Variants in IGFL2 observed in about 807,000 individuals in gnomAD.
The protein encoded by IGFL2 is insulin growth factor-like family member 2.
A neutral mutation model predicts 13.9 loss-of-function variants in IGFL2; 7 were observed. The ratio of observed to expected loss-of-function variants is 0.51; its 90% CI spans 0.29 to 0.95. The LOEUF (loss-of-function observed/expected upper bound fraction) is 0.95, where lower values mean the gene tolerates loss of function less well. Ranked by LOEUF, IGFL2 falls within the 40% of genes least tolerant of loss-of-function variation. IGFL2 has a pLI of 0.08. For synonymous variants in IGFL2, 55 were observed against 55.8 expected (o/e 0.99, Z 0.07); for missense variants, 138 against 147.8 (o/e 0.93, Z 0.34).
At chr19:46,135,602 G>A in the IGFL2 span, among the ~76,000 whole-genome samples, 58 of 152,212 alleles carry the variant, frequency 3.8e-4, no homozygotes, top group Non-Finnish European at 1.5e-4. Context: ...AGGGAGGTAG[G>A]ACCTCACTGA....
chr19:46,099,837 T>C, the IGFL2 span, among the ~76,000 whole-genome samples: 1 of 152,140 alleles, frequency 6.6e-6, no homozygotes, highest in South Asian at 2.1e-4. Context: ...TGTTCATTCC[T>C]TTTCATTCTT....
At chr19:46,101,176 G>A in the IGFL2 span, 2 of 152,366 alleles carry the variant, frequency 1.3e-5, no homozygotes, top group Admixed American at 1.3e-4. Context: ...GTGACCCCTG[G>A]TTGGTGGGGG....
the IGFL2 span, among the ~76,000 whole-genome samples, chr19:46,174,913 G>A: frequency 1.3e-5 from 2 of 152,136 alleles, no homozygotes; most frequent in Non-Finnish European, 2.9e-5. Flanking sequence ...CAAAAGGATT[G>A]ATCCAAATTA....
the IGFL2 span, among the ~76,000 whole-genome samples, chr19:46,114,439 T>C: frequency 1.4e-3 from 220 of 152,338 alleles, 1 homozygote; most frequent in African/African-American, 4.8e-3. Flanking sequence ...CTTTCTTATT[T>C]GGTTAGTCTT....
the IGFL2 span, chr19:46,124,687 G>T: frequency 4.4e-6 from 7 of 1,589,214 alleles, no homozygotes; most frequent in South Asian, 7.8e-5. Context: ...AAGAAGAGTG[G>T]TAAAAGGCTG....
chr19:46,146,218 C>T (rs979716194), upstream of IGFL2, among the ~76,000 whole-genome samples: 22 of 152,082 alleles, frequency 1.4e-4, no homozygotes, highest in African/African-American at 5.3e-4. Flanking sequence ...ATCTTTTCCC[C>T]CATTGAATTG....
chr19:46,104,931 G>A, the IGFL2 span, among the ~76,000 whole-genome samples: 1 of 152,212 alleles, frequency 6.6e-6, no homozygotes, highest in Admixed American at 6.5e-5. Context: ...AGAGGAGATT[G>A]ATAGGTGGAA....
the IGFL2 span, chr19:46,204,667 A>T: frequency 6.6e-6 from 1 of 152,224 alleles, no homozygotes; most frequent in African/African-American, 2.4e-5. Flanking sequence ...GAATTTTGAT[A>T]TGGGGTTTTA....
chr19:46,130,026 C>T, the IGFL2 span, among the ~76,000 whole-genome samples: 1 of 152,098 alleles, frequency 6.6e-6, no homozygotes, highest in Non-Finnish European at 1.5e-5. Flanking sequence ...AGAGCTTGCT[C>T]TCTGAATCTG....
chr19:46,102,949 T>C, the IGFL2 span, among the ~76,000 whole-genome samples: 3 of 152,118 alleles, frequency 2.0e-5, no homozygotes, highest in African/African-American at 7.2e-5. Context: ...GGGGTGATAT[T>C]GTGGGTTTAT....
the IGFL2 span, among the ~76,000 whole-genome samples, chr19:46,090,634 G>A: frequency 6.6e-6 from 1 of 152,306 alleles, no homozygotes; most frequent in South Asian, 2.1e-4. Context: ...CACGTTGCCC[G>A]GCTGGAATCT....
At chr19:46,083,490 T>C in the IGFL2 span, among the ~76,000 whole-genome samples, 1 of 152,212 alleles carries the variant, frequency 6.6e-6, no homozygotes, top group African/African-American at 2.4e-5. Flanking sequence ...ATTCAGACAC[T>C]ATGTTGTAAA....
the IGFL2 span, among the ~76,000 whole-genome samples, chr19:46,112,576 T>A: frequency 6.6e-6 from 1 of 152,186 alleles, no homozygotes; most frequent in Non-Finnish European, 1.5e-5. Context: ...AAAGCATAGA[T>A]GAACACAAGC....
upstream of IGFL2, chr19:46,148,232 C>T: frequency 6.5e-7 from 1 of 1,540,246 alleles, no homozygotes; most frequent in Non-Finnish European, 8.8e-7. Flanking sequence ...TATAAAGTCA[C>T]TGACCCATTT....
the IGFL2 span, among the ~76,000 whole-genome samples, chr19:46,091,198 T>C: frequency 2.4e-4 from 36 of 152,234 alleles, no homozygotes. Flanking sequence ...CATCTTGCTC[T>C]GCCCTTCTTC....
chr19:46,173,417 G>A, the IGFL2 span: 1 of 152,196 alleles, frequency 6.6e-6, no homozygotes, highest in African/African-American at 2.4e-5. Context: ...GAATACCTGA[G>A]GCTTGGCAAT....
the IGFL2 span, among the ~76,000 whole-genome samples, chr19:46,087,795 G>C: frequency 1.3e-5 from 2 of 152,220 alleles, no homozygotes; most frequent in African/African-American, 4.8e-5. Flanking sequence ...TTTGGTCCTG[G>C]CAGTGGGTGG....
chr19:46,200,362 T>C, the IGFL2 span, among the ~76,000 whole-genome samples: 79 of 151,696 alleles, frequency 5.2e-4, no homozygotes, highest in East Asian at 1.9e-4. Flanking sequence ...TTTGTAGATA[T>C]GGGGTTTTGT....
the IGFL2 span, among the ~76,000 whole-genome samples, chr19:46,192,504 C>G: frequency 6.6e-6 from 1 of 151,566 alleles, no homozygotes; most frequent in African/African-American, 2.4e-5. Flanking sequence ...ACTGCAACCT[C>G]CACCTCCTGG....
Sources: gnomAD v4.1 joint callset for allele counts (sites outside exome capture counted in the v4.1 genomes callset) on GRCh38, gnomAD v4.1.1 for gene constraint, MANE v1.5 for transcripts, NCBI Gene and HGNC (gene_info 2026-07-23, HGNC 2026-07-21) for gene names.